GRID2: variants seen among roughly 807,000 people sequenced by gnomAD.
GRID2 encodes glutamate receptor ionotropic, delta-2.
In GRID2, 33 loss-of-function variants were observed where a neutral mutation model predicts 114.8. The ratio of observed to expected loss-of-function variants is 0.29; its 90% CI spans 0.22 to 0.38. The LOEUF (loss-of-function observed/expected upper bound fraction) is 0.38. Among genes scored for constraint, GRID2 ranks in the 10% least tolerant of loss-of-function variants. GRID2 has a pLI of 1.00. For missense variants in GRID2, 1,184 were observed against 1,257.7 expected (o/e 0.94, Z 0.89); for synonymous variants, 505 against 449.9 (o/e 1.12, Z -1.55).
intron 8 of GRID2, among the ~76,000 whole-genome samples, chr4:93,338,909 C>T (rs1759355952): frequency 6.6e-6 from 1 of 151,960 alleles, no homozygotes; most frequent in African/African-American, 2.4e-5. Context: ...TCTGTGTAAC[C>T]AATAGGAAAC....
chr4:93,265,939 T>G (rs1359718624), intron 8 of GRID2, among the ~76,000 whole-genome samples: 1 of 152,226 alleles, frequency 6.6e-6, no homozygotes, highest in Non-Finnish European at 1.5e-5. Context: ...ATTCATTCAT[T>G]TATTTTCCAA....
chr4:93,103,802 T>A (rs764152890), intron 3 of GRID2, among the ~76,000 whole-genome samples: 2 of 151,642 alleles, frequency 1.3e-5, no homozygotes, highest in Non-Finnish European at 2.9e-5. Context: ...GGTTCCCAAA[T>A]AGTCTCTTAA....
intron 1 of GRID2, 65 bp from the exon 2 acceptor site, chr4:92,590,066 T>G: frequency 9.1e-7 from 1 of 1,101,102 alleles, no homozygotes; most frequent in Non-Finnish European, 1.4e-6. Flanking sequence ...CTCCTTGTCA[T>G]ATTTCCAGAG....
intron 14 of GRID2, among the ~76,000 whole-genome samples, chr4:93,686,659 G>GT (rs1279826892): frequency 6.6e-6 from 1 of 152,010 alleles, no homozygotes; most frequent in East Asian, 1.9e-4. Flanking sequence ...TTTTGATAAA[G>GT]TGGCATATGA....
At chr4:92,340,462 C>T (rs1727425797) in intron 1 of GRID2, among the ~76,000 whole-genome samples, 1 of 152,154 alleles carries the variant, frequency 6.6e-6, no homozygotes, top group South Asian at 2.1e-4. Context: ...TTCCAGTTCA[C>T]TCCTGCCACT....
At position 93,490,737 on chromosome 4, in the gene GRID2, G is replaced by A. The variant is rs751417499; in HGVS notation, c.1957G>A (p.Ala653Thr). ...TATCTCATCTTACACGGCAAACCTC[G>A]CTGCTTTCCTCACTATTACACGCAT... Reference protein sequence around the residue: ...IVISSYTANLAAFLTITRIES... With the variant: ...IVISSYTANLTAFLTITRIES... The change falls in exon 12 of 16, where the codon GCT becomes ACT. Residue 653 changes from alanine (A) to threonine (T), a missense_variant. Ala to Thr is a moderately conservative substitution (Grantham distance 58, BLOSUM62 0). Around this residue, in one of 3 missense-constraint regions of GRID2, gnomAD observed 717 missense variants for 796.9 expected, o/e 0.90. Transcript: ENST00000282020. 11 of 1,610,278 alleles carry A rather than the reference G, an allele frequency of 6.8e-6. No homozygotes were observed. Among genetic ancestry groups the A allele is most frequent in the Non-Finnish European group, 7.6e-6 (9 of 1,177,348 alleles).
chr4:92,699,990 TTTAAGA>T (rs1734594189), intron 2 of GRID2, among the ~76,000 whole-genome samples: 1 of 152,240 alleles, frequency 6.6e-6, no homozygotes, highest in South Asian at 2.1e-4. Context: ...TAATGTGTAC[TTTAAGA>T]TAAAGCAAAA....
At chr4:92,551,378 A>G (rs968831084) in intron 1 of GRID2, among the ~76,000 whole-genome samples, 2 of 152,160 alleles carry the variant, frequency 1.3e-5, no homozygotes, top group African/African-American at 4.8e-5. Flanking sequence ...GTGCAAATGT[A>G]TAAAACATTG....
At chr4:92,455,409 T>C (rs1051440062) in intron 1 of GRID2, among the ~76,000 whole-genome samples, 2 of 152,122 alleles carry the variant, frequency 1.3e-5, no homozygotes, top group African/African-American at 4.8e-5. Context: ...GTATCAATTA[T>C]GTGAATTACA....
chr4:93,137,168 C>T (rs1735338067), intron 4 of GRID2, among the ~76,000 whole-genome samples: 1 of 152,148 alleles, frequency 6.6e-6, no homozygotes, highest in Non-Finnish European at 1.5e-5. Flanking sequence ...CATGCTTAAC[C>T]CTTCTCAAAT....
chr4:93,366,719 A>G (rs1762372092), intron 8 of GRID2, among the ~76,000 whole-genome samples: 1 of 151,890 alleles, frequency 6.6e-6, no homozygotes, highest in Non-Finnish European at 1.5e-5. Flanking sequence ...CCGACATGTG[A>G]TGTCTACCCC....
intron 2 of GRID2, among the ~76,000 whole-genome samples, chr4:92,989,290 A>AT (rs1361612835): frequency 1.5e-4 from 22 of 144,582 alleles, no homozygotes; most frequent in Middle Eastern, 3.6e-3. Context: ...AAAAAAAAAA[A>AT]AAAAAAAAAA....
chr4:92,587,616 T>C (rs1367409678), intron 1 of GRID2, among the ~76,000 whole-genome samples: 1 of 152,204 alleles, frequency 6.6e-6, no homozygotes, highest in African/African-American at 2.4e-5. Flanking sequence ...GATTTTCTGT[T>C]CTTTGATTAC....
intron 1 of GRID2, among the ~76,000 whole-genome samples, chr4:92,463,130 A>G (rs1220514997): frequency 6.6e-6 from 1 of 151,982 alleles, no homozygotes; most frequent in African/African-American, 2.4e-5. Context: ...TGAAGGTTAA[A>G]AGTCCTAAAA....
At chr4:93,540,068 T>C (rs1044692383) in intron 13 of GRID2, among the ~76,000 whole-genome samples, 2 of 151,966 alleles carry the variant, frequency 1.3e-5, no homozygotes, top group African/African-American at 4.8e-5. Flanking sequence ...GATTCTTTCT[T>C]ATTTATGTAA....
chr4:92,467,128 T>A (rs1299556612), intron 1 of GRID2, among the ~76,000 whole-genome samples: 1 of 151,814 alleles, frequency 6.6e-6, no homozygotes, highest in African/African-American at 2.4e-5. Flanking sequence ...AAGCGAATGT[T>A]AAAAATGTTT....
At chr4:92,926,705 G>C (rs2149514585) in intron 2 of GRID2, among the ~76,000 whole-genome samples, 2 of 151,976 alleles carry the variant, frequency 1.3e-5, no homozygotes, top group South Asian at 4.1e-4. Flanking sequence ...GCTGCTAAAA[G>C]AGAACATCTG....
chr4:92,744,860 G>A lies in GRID2; in HGVS notation c.244+154574G>A, dbSNP rs1185547164. On this transcript the variant is annotated intron_variant, in intron 2 of 15. Transcript: ENST00000282020. ...TGCTCCATTTCCCTAACTGGATTAT[G>A]AATTCTTTAAGATTTCTGGCGTTCT... 2.0e-5 allele frequency among the ~76,000 whole-genome samples: 3 copies of A among 152,180 alleles called. No individual in the cohort carries two copies. In the East Asian group the frequency reaches 5.8e-4, roughly 29 times the overall value.
At chr4:93,358,915 A>G (rs1302187350) in intron 8 of GRID2, among the ~76,000 whole-genome samples, 1 of 152,050 alleles carries the variant, frequency 6.6e-6, no homozygotes, top group Non-Finnish European at 1.5e-5. Flanking sequence ...TAACAATGGG[A>G]AGAAAGTTAA....
Sources: allele counts gnomAD v4.1 joint callset (sites outside exome capture counted in the v4.1 genomes callset), GRCh38; gene constraint gnomAD v4.1.1; regional missense constraint gnomAD v4.1.1; transcripts MANE v1.5; gene names NCBI Gene and HGNC (gene_info 2026-07-23, HGNC 2026-07-21).